Variants in CFAP95 observed in about 807,000 individuals in gnomAD.
CFAP95 encodes the protein cilia- and flagella-associated protein 95.
At chr9:69,830,751 G>T in the CFAP95 span, among the ~76,000 whole-genome samples, 1 of 152,180 alleles carries the variant, frequency 6.6e-6, no homozygotes, top group Non-Finnish European at 1.5e-5. Flanking sequence ...GGGCTCAAGT[G>T]ATTCTCCTGC....
the CFAP95 span, among the ~76,000 whole-genome samples, chr9:69,902,067 C>T: frequency 1.3e-5 from 2 of 152,150 alleles, no homozygotes; most frequent in African/African-American, 4.8e-5. Flanking sequence ...GGCTAATATC[C>T]AGAATCTACA....
At chr9:69,864,647 T>C in the CFAP95 span, among the ~76,000 whole-genome samples, 4 of 152,182 alleles carry the variant, frequency 2.6e-5, no homozygotes, top group East Asian at 7.7e-4. Context: ...ATGGAGCACT[T>C]ATCCTTATGT....
At chr9:69,822,411 G>C in the CFAP95 span, among the ~76,000 whole-genome samples, 1 of 152,140 alleles carries the variant, frequency 6.6e-6, no homozygotes, top group East Asian at 1.9e-4. Context: ...CCCTGAAACT[G>C]TCTCTCTTCC....
chr9:69,904,620 G>C, the CFAP95 span, among the ~76,000 whole-genome samples: 2 of 152,090 alleles, frequency 1.3e-5, no homozygotes, highest in Non-Finnish European at 2.9e-5. Flanking sequence ...GCCCATAGAC[G>C]CTGTATTTGA....
At chr9:69,903,558 T>G in the CFAP95 span, among the ~76,000 whole-genome samples, 1 of 152,204 alleles carries the variant, frequency 6.6e-6, no homozygotes, top group African/African-American at 2.4e-5. Context: ...AACTTGAAGT[T>G]AGCCTTAGTG....
chr9:69,902,224 G>GT, the CFAP95 span: 2 of 414,738 alleles, frequency 4.8e-6, no homozygotes, highest in Non-Finnish European at 9.5e-6. Flanking sequence ...CTTCCCCTTT[G>GT]TTTTTTTAAT....
the CFAP95 span, among the ~76,000 whole-genome samples, chr9:69,869,264 T>C: frequency 4.6e-5 from 7 of 152,200 alleles, no homozygotes; most frequent in East Asian, 1.3e-3. Flanking sequence ...TTGATGGATA[T>C]TATTTCACCT....
At chr9:69,891,157 AT>A in the CFAP95 span, among the ~76,000 whole-genome samples, 862 of 152,362 alleles carry the variant, frequency 5.7e-3, 5 homozygotes, top group Non-Finnish European at 8.8e-3. Context: ...TTCACAATAC[AT>A]GGACAAGGCG....
the CFAP95 span, among the ~76,000 whole-genome samples, chr9:69,890,560 G>A: frequency 3.3e-4 from 50 of 152,280 alleles, no homozygotes; most frequent in Admixed American, 1.2e-3. Flanking sequence ...AGATGTTGTC[G>A]TGCACATAAA....
chr9:69,844,394 C>A, the CFAP95 span: 1 of 550,900 alleles, frequency 1.8e-6, no homozygotes, highest in Non-Finnish European at 3.0e-6. Context: ...TGTCACAAAT[C>A]TAATAAATTT....
the CFAP95 span, chr9:69,858,225 T>G: frequency 2.1e-6 from 1 of 480,000 alleles, no homozygotes; most frequent in Non-Finnish European, 3.8e-6. Flanking sequence ...TCTGTAAAAT[T>G]TACCTATTTG....
At chr9:69,901,013 G>A in the CFAP95 span, among the ~76,000 whole-genome samples, 9 of 151,820 alleles carry the variant, frequency 5.9e-5, no homozygotes, top group African/African-American at 1.9e-4. Context: ...TATCCCTCCC[G>A]CCTCCCTCCA....
the CFAP95 span, among the ~76,000 whole-genome samples, chr9:69,838,447 C>T: frequency 2.0e-5 from 3 of 151,436 alleles, no homozygotes; most frequent in African/African-American, 4.8e-5. Context: ...AGGTCCTTCA[C>T]ATCCCTTGTA....
chr9:69,857,951 T>C, the CFAP95 span: 2 of 1,614,102 alleles, frequency 1.2e-6, no homozygotes, highest in East Asian at 2.2e-5. Context: ...CTGTCTTTCC[T>C]AGACATCCAC....
chr9:69,848,920 G>A, the CFAP95 span, among the ~76,000 whole-genome samples: 4 of 152,138 alleles, frequency 2.6e-5, no homozygotes, highest in Non-Finnish European at 5.9e-5. Context: ...TTTCATCAAG[G>A]AGCATGAGAA....
chr9:69,825,791 T>A, the CFAP95 span, among the ~76,000 whole-genome samples: 2 of 152,216 alleles, frequency 1.3e-5, 1 homozygote, highest in East Asian at 3.9e-4. Flanking sequence ...TTCATACTCA[T>A]CTTTTCCTTG....
the CFAP95 span, among the ~76,000 whole-genome samples, chr9:69,831,217 A>C: frequency 6.6e-6 from 1 of 152,196 alleles, no homozygotes; most frequent in Non-Finnish European, 1.5e-5. Context: ...TATCTATTGC[A>C]AAGTAAATTT....
the CFAP95 span, among the ~76,000 whole-genome samples, chr9:69,835,305 T>A: frequency 6.6e-6 from 1 of 152,230 alleles, no homozygotes; most frequent in East Asian, 1.9e-4. Context: ...GAAAAGTGTG[T>A]CTCTTGTCAA....
chr9:69,900,634 C>A, the CFAP95 span, among the ~76,000 whole-genome samples: 1 of 152,222 alleles, frequency 6.6e-6, no homozygotes, highest in South Asian at 2.1e-4. Context: ...ACTTCTGTGA[C>A]TCTTATGCAG....
Sources: allele counts gnomAD v4.1 joint callset (sites outside exome capture counted in the v4.1 genomes callset), GRCh38; gene constraint gnomAD v4.1.1; transcripts MANE v1.5; gene names NCBI Gene and HGNC (gene_info 2026-07-23, HGNC 2026-07-21).